CDH13: variants seen among roughly 807,000 people sequenced by gnomAD.
CDH13 encodes cadherin-13.
A neutral mutation model predicts 63.8 loss-of-function variants in CDH13; 24 were observed. The ratio of observed to expected loss-of-function variants is 0.38; its 90% CI spans 0.27 to 0.53. The LOEUF is 0.53. Ranked by LOEUF, CDH13 falls within the 20% of genes least tolerant of loss-of-function variation. The pLI is 0.85. For missense variants in CDH13, 1,049 were observed against 903.1 expected (o/e 1.16, Z -2.07); for synonymous variants, 503 against 355.3 (o/e 1.42, Z -4.67).
At position 83,265,727 on chromosome 16, in the gene CDH13, C is replaced by CTTTTTTTTTT. The variant is rs71272416; in HGVS notation, c.636+48247_636+48256dup. ...GTTTTCTGTTGCTTCTAAATTTCTG[C>CTTTTTTTTTT]TTTTTTTTTTTTTTTTTTTTTTTTT... is the stretch of plus-strand genomic sequence containing the variant. On this transcript the variant is annotated intron_variant, in intron 5 of 13. Coordinates refer to ENST00000567109, the MANE Select transcript of CDH13 (RefSeq NM_001257.5). Among the ~76,000 whole-genome samples the CTTTTTTTTTT allele has an allele frequency of 2.6e-4, 11 of 42,568 alleles. 2 individuals are homozygous for CTTTTTTTTTT. The highest frequency in any genetic ancestry group is 4.6e-4 in the African/African-American group (4 of 8,604). The allele number at this position is 42,568 out of a possible 152,430, so 27.9% of individuals were successfully genotyped here.
chr16:83,251,374 C>G (rs1272992415), intron 5 of CDH13, among the ~76,000 whole-genome samples: 1 of 152,140 alleles, frequency 6.6e-6, no homozygotes, highest in Admixed American at 6.5e-5. Flanking sequence ...ATTGTGAGTT[C>G]TAGCATTGCC....
chr16:83,254,064 C>T (rs532412603), intron 5 of CDH13, among the ~76,000 whole-genome samples: 10 of 152,250 alleles, frequency 6.6e-5, no homozygotes, highest in East Asian at 3.9e-4. Context: ...GACAAGACGC[C>T]GCAGTGTTCC....
Position 83,363,805 on chromosome 16 carries a change from C to T in CDH13, c.781+18799C>T, listed in dbSNP as rs1053182318. On this transcript the variant is annotated intron_variant, in intron 6 of 13. Transcript: ENST00000567109. ...CATGGGATGCTGAGTGGGCGTGCTC[C>T]TCCTCCATAGAGGAGTTATTAAAGC... 6.6e-5 allele frequency among the ~76,000 whole-genome samples: 10 copies of T among 152,132 alleles called. 1 individual carries two copies. The highest frequency in any genetic ancestry group is 1.3e-4 in the Non-Finnish European group (9 of 68,040).
chr16:83,296,084 C>T (rs1347215381), intron 5 of CDH13, among the ~76,000 whole-genome samples: 1 of 152,190 alleles, frequency 6.6e-6, no homozygotes, highest in Non-Finnish European at 1.5e-5. Context: ...TACAGATAAT[C>T]TCACAGGGTA....
At chr16:83,618,315 C>T (rs1188156176) in intron 8 of CDH13, among the ~76,000 whole-genome samples, 1 of 151,492 alleles carries the variant, frequency 6.6e-6, no homozygotes, top group Non-Finnish European at 1.5e-5. Context: ...GTCCCAGCTA[C>T]TTAGGGGGCT....
chr16:83,344,438 C>G (rs2090793577), intron 5 of CDH13, among the ~76,000 whole-genome samples: 1 of 152,186 alleles, frequency 6.6e-6, no homozygotes, highest in Non-Finnish European at 1.5e-5. Flanking sequence ...AAAAGATTGC[C>G]ATAAACACTT....
At chr16:82,786,216 C>A (rs182163421) in intron 1 of CDH13, among the ~76,000 whole-genome samples, 1 of 152,154 alleles carries the variant, frequency 6.6e-6, no homozygotes, top group African/African-American at 2.4e-5. Flanking sequence ...CAAAGAATTG[C>A]ACATACTGAC....
In CDH13 at chr16:83,685,341, C is replaced by G. The variant is rs192409458; in HGVS notation, c.1538+6880C>G. On this transcript the variant is annotated intron_variant, in intron 10 of 13. Coordinates refer to ENST00000567109, the MANE Select transcript of CDH13 (RefSeq NM_001257.5). ...GAATGCCTTTTTAAATGGAACCTTT[C>G]TGCTTAATAAATAACTACAGGGTAC... is the stretch of plus-strand genomic sequence containing the variant. 1.4e-3 allele frequency among the ~76,000 whole-genome samples: 211 copies of G among 152,234 alleles called. 1 individual carries two copies. The highest frequency in any genetic ancestry group is 4.7e-3 in the African/African-American group (194 of 41,550).
At chr16:82,714,562 A>T (rs562421641) in intron 1 of CDH13, among the ~76,000 whole-genome samples, 1 of 151,588 alleles carries the variant, frequency 6.6e-6, no homozygotes, top group African/African-American at 2.4e-5. Flanking sequence ...AAAAATATAT[A>T]AATTAGCTGG....
intron 3 of CDH13, among the ~76,000 whole-genome samples, chr16:83,043,830 CA>C (rs11342221): frequency 0.22 from 29,296 of 134,230 alleles, 2,924 homozygotes; most frequent in East Asian, 0.32. Flanking sequence ...GACTCTATCT[CA>C]AAAAAAAAAA....
chr16:83,286,891 GA>G (rs2089330666), intron 5 of CDH13, among the ~76,000 whole-genome samples: 1 of 151,712 alleles, frequency 6.6e-6, no homozygotes. Context: ...ATGCCATGTG[GA>G]AAGTGAAGCA....
chr16:83,780,061 T>A lies in CDH13; in HGVS notation c.1775T>A (p.Val592Asp). The change falls in exon 12 of 14, where the codon GTC becomes GAC. Residue 592 changes from valine (V) to aspartate (D), a missense_variant. Physicochemically the swap from Val to Asp is radical, Grantham distance 152 (BLOSUM62 -3). Coordinates refer to ENST00000567109, the MANE Select transcript of CDH13 (RefSeq NM_001257.5). ...TTCATTTACCCCACAGTAGCTGAAG[T>A]CTGTGATGATGCCAAAAACCTCAGT... is the stretch of plus-strand genomic sequence containing the variant. Reference protein sequence around the residue: ...APFIYPTVAEVCDDAKNLSVV... With the variant: ...APFIYPTVAEDCDDAKNLSVV... The A allele has an allele frequency of 6.2e-7, 1 of 1,613,878 alleles. No individual in the cohort carries two copies. The highest frequency in any genetic ancestry group is 8.5e-7 in the Non-Finnish European group (1 of 1,179,850).
At chr16:83,034,846 C>G (rs1427323460) in intron 3 of CDH13, among the ~76,000 whole-genome samples, 4 of 152,136 alleles carry the variant, frequency 2.6e-5, no homozygotes, top group South Asian at 2.1e-4. Context: ...GAGATGCCAT[C>G]CAGAGACAAA....
chr16:83,625,504 A>G (rs1404970637), intron 8 of CDH13, among the ~76,000 whole-genome samples: 1 of 152,180 alleles, frequency 6.6e-6, no homozygotes, highest in African/African-American at 2.4e-5. Context: ...CGAGCCTGTT[A>G]CCTGCTTTCC....
chr16:83,521,885 T>C (rs1373326038), intron 7 of CDH13, among the ~76,000 whole-genome samples: 2 of 152,204 alleles, frequency 1.3e-5, no homozygotes, highest in East Asian at 3.9e-4. Context: ...ACAGGGCAAA[T>C]CATCCTACTA....
chr16:83,360,682 T>G (rs575671301), intron 6 of CDH13, among the ~76,000 whole-genome samples: 1 of 152,310 alleles, frequency 6.6e-6, no homozygotes, highest in South Asian at 2.1e-4. Context: ...TATGTTTAGC[T>G]CCCACTTATA....
intron 6 of CDH13, among the ~76,000 whole-genome samples, chr16:83,479,287 A>G (rs1005840736): frequency 2.0e-5 from 3 of 152,228 alleles, no homozygotes; most frequent in African/African-American, 4.8e-5. Context: ...GGGTCCCACA[A>G]GCTATTTCCC....
At chr16:83,138,952 C>T (rs185007734) in intron 4 of CDH13, among the ~76,000 whole-genome samples, 1 of 152,116 alleles carries the variant, frequency 6.6e-6, no homozygotes, top group Non-Finnish European at 1.5e-5. Context: ...GGAAGGTCCC[C>T]TCTTAGCTGG....
At chr16:83,211,993 A>G (rs1469083429) in intron 4 of CDH13, among the ~76,000 whole-genome samples, 1 of 152,152 alleles carries the variant, frequency 6.6e-6, no homozygotes, top group Non-Finnish European at 1.5e-5. Flanking sequence ...AAGCCCTGCT[A>G]TGGAGTATAT....
Sources: allele counts gnomAD v4.1 joint callset (sites outside exome capture counted in the v4.1 genomes callset), GRCh38; gene constraint gnomAD v4.1.1; transcripts MANE v1.5; gene names NCBI Gene and HGNC (gene_info 2026-07-23, HGNC 2026-07-21).